ATXN7L2: variants seen among roughly 807,000 people sequenced by gnomAD.
The protein encoded by ATXN7L2 is ataxin 7 like 2, also known as ataxin-7-like protein 2.
Under a neutral mutation model 59.6 loss-of-function variants are expected in ATXN7L2, and 17 were observed. The ratio of observed to expected loss-of-function variants is 0.29; its 90% CI spans 0.20 to 0.43. The LOEUF (loss-of-function observed/expected upper bound fraction) is 0.43, where lower values mean the gene tolerates loss of function less well. Ranked by LOEUF, ATXN7L2 falls within the 20% of genes least tolerant of loss-of-function variation. The pLI is 1.00. For missense variants in ATXN7L2, 858 were observed against 1,008.9 expected (o/e 0.85, Z 2.03); for synonymous variants, 378 against 392.5 (o/e 0.96, Z 0.44).
chr1:109,487,269 A>T (rs772006220), intron 4 of ATXN7L2, 52 bp downstream of exon 4: 3 of 1,432,012 alleles, frequency 2.1e-6, no homozygotes, highest in East Asian at 5.1e-5. Context: ...TGACCCATGG[A>T]TGGGCTGACA....
chr1:109,487,120 G>C lies in ATXN7L2; in HGVS notation c.412G>C (p.Ala138Pro), dbSNP rs934469562. The C allele has an allele frequency of 6.2e-7, 1 of 1,611,900 alleles. No individual in the cohort carries two copies. Among genetic ancestry groups the C allele is most frequent in the Non-Finnish European group, 8.5e-7 (1 of 1,179,132 alleles). Residue 138 changes from alanine to proline, a missense_variant, in exon 4 of 11, where the codon GCC (alanine) becomes CCC (proline). Physicochemically the swap from Ala to Pro is conservative, Grantham distance 27 (BLOSUM62 -1). Around this residue, in one of 3 missense-constraint regions of ATXN7L2, gnomAD observed 734 missense variants for 862.3 expected, o/e 0.85. Coordinates refer to ENST00000683729, the MANE Select transcript of ATXN7L2 (RefSeq NM_001350175.2). ...VVNGQGPACRAPGSTKTSSRE... is the reference protein window; with the variant it reads ...VVNGQGPACRPPGSTKTSSRE... ...GAATGGGCAGGGCCCAGCTTGTAGG[G>C]CCCCAGGTTCCACGAAAACCTCCTC...
intron 1 of ATXN7L2, chr1:109,485,644 G>T: frequency 1.0e-6 from 1 of 987,966 alleles, no homozygotes; most frequent in Non-Finnish European, 1.2e-6. Flanking sequence ...AGAAACATTG[G>T]TTAAGGACGG....
At chr1:109,490,185 A>G in intron 8 of ATXN7L2, 57 bp downstream of exon 8, 1 of 1,576,888 alleles carries the variant, frequency 6.3e-7, no homozygotes, top group Non-Finnish European at 8.6e-7. Context: ...CTGGCCAACA[A>G]CATGGGGAGG....
In ATXN7L2 at chr1:109,489,044, C is replaced by T. The variant is rs913427036; in HGVS notation, c.1077C>T (p.Pro359=). The T allele has an allele frequency of 6.2e-7, 1 of 1,614,164 alleles. No homozygotes were observed. The highest frequency in any genetic ancestry group is 1.3e-5 in the African/African-American group (1 of 75,050). ...SVQVVAAVAA[P]SSTFSVRAKQ... ...AGGTTGTAGCAGCGGTGGCTGCTCC[C>T]AGCAGCACCTTCTCTGTTCGTGCCA... Residue 359 remains proline (P), a synonymous_variant, in exon 7 of 11, where the codon CCC becomes CCT. Coordinates refer to ENST00000683729, the MANE Select transcript of ATXN7L2 (RefSeq NM_001350175.2).
Position 109,490,905 on chromosome 1 carries a change from C to T in ATXN7L2, c.1455-17C>T. On this transcript the variant is annotated splice_polypyrimidine_tract_variant and intron_variant, in intron 9 of 10. Coordinates refer to ENST00000683729, the MANE Select transcript of ATXN7L2 (RefSeq NM_001350175.2). Reference sequence around the variant, plus strand: ...TTGTTTCTTGGCAGTCACAGTGGGGCTTTCTTTTTGCTGCAGGAAGATCCC... The same window carrying T: ...TTGTTTCTTGGCAGTCACAGTGGGGTTTTCTTTTTGCTGCAGGAAGATCCC... 6.5e-7 allele frequency: 1 copy of T among 1,537,990 alleles called. No homozygotes were observed. Among genetic ancestry groups the T allele is most frequent in the Admixed American group, 2.1e-5 (1 of 48,534 alleles).
intron 9 of ATXN7L2, among the ~76,000 whole-genome samples, 178 bp downstream of exon 9, chr1:109,490,570 A>G (rs1473989099): frequency 2.0e-5 from 3 of 152,196 alleles, no homozygotes; most frequent in African/African-American, 4.8e-5. Flanking sequence ...TTGGCAGCCT[A>G]GAGTTTGGCT....
chr1:109,488,586 C>T lies in ATXN7L2; in HGVS notation c.879+121C>T. 1.7e-6 allele frequency: 2 copies of T among 1,191,088 alleles called. No homozygotes were observed. The highest frequency in any genetic ancestry group is 2.6e-5 in the East Asian group (1 of 39,084). The allele number at this position is 1,191,088 out of a possible 1,614,324, so 73.8% of individuals were successfully genotyped here. A position where few individuals can be genotyped will look rare whatever the true frequency, so the allele number is the denominator to read the frequency against. On this transcript the variant is annotated intron_variant, in intron 6 of 10. Coordinates refer to ENST00000683729, the MANE Select transcript of ATXN7L2 (RefSeq NM_001350175.2). This position sits in a 1 kb window ranked among gnomAD's most constrained non-coding sequence, Gnocchi z 5.0. ...CCAGCTTAAGGGAGGGCAGTTAGGC[C>T]CACCCAAGGGAAGGGGAGATGGGTA...
At position 109,486,477 on chromosome 1, in the gene ATXN7L2, C is replaced by T. The variant is rs1200092111; in HGVS notation, c.194-29C>T. On this transcript the variant is annotated intron_variant, in intron 2 of 10. Transcript: ENST00000683729. This position sits in a 1 kb window ranked among gnomAD's most constrained non-coding sequence, Gnocchi z 4.3. ...CCAGAGAAACCCTGGGATCTTCAGC[C>T]CCAGTGACATGGGCTTCTGTCATTG... is the stretch of plus-strand genomic sequence containing the variant. 3.2e-6 allele frequency: 5 copies of T among 1,577,482 alleles called. No individual in the cohort carries two copies. The highest frequency in any genetic ancestry group is 4.4e-6 in the Non-Finnish European group (5 of 1,149,066).
chr1:109,486,213 G>A lies in ATXN7L2; in HGVS notation c.193+91G>A. The stretch of plus-strand genomic sequence containing the variant: ...ACACTACAGAAGGAGGTGGCTGCTT[G>A]AAGCAGCTGTCTGGGGACCCTCATT... On this transcript the variant is annotated intron_variant, in intron 2 of 10. Coordinates refer to ENST00000683729, the MANE Select transcript of ATXN7L2 (RefSeq NM_001350175.2). The surrounding 1 kb of genome is among the most constrained non-coding windows in gnomAD (Gnocchi z 4.3). 3 of 1,480,798 alleles carry A rather than the reference G, an allele frequency of 2.0e-6. No homozygotes were observed. Among genetic ancestry groups the A allele is most frequent in the African/African-American group, 1.4e-5 (1 of 70,842 alleles). 91.7% of individuals were successfully genotyped at this position (1,480,798 alleles called of 1,614,324 possible).
chr1:109,484,058 G>C lies in ATXN7L2; in HGVS notation c.105G>C (p.Arg35=), dbSNP rs780047451. 6.6e-7 allele frequency: 1 copy of C among 1,519,626 alleles called. No homozygotes were observed. The highest frequency in any genetic ancestry group is 8.8e-7 in the Non-Finnish European group (1 of 1,130,954). The allele number at this position is 1,519,626 out of a possible 1,614,324, so 94.1% of individuals were successfully genotyped here. ...AGAGCTGGAGCTCGTGGGTGGAGCGGGCCGACCTGCCCGCGGCTGACGGTG... is the reference window on the plus strand; with the variant it reads ...AGAGCTGGAGCTCGTGGGTGGAGCGCGCCGACCTGCCCGCGGCTGACGGTG... ...AGQSWSSWVE[R]ADLPAADGAE... Residue 35 remains arginine, a synonymous_variant, in exon 1 of 11, where the codon CGG becomes CGC. Coordinates refer to ENST00000683729, the MANE Select transcript of ATXN7L2 (RefSeq NM_001350175.2).
Position 109,488,499 on chromosome 1 carries a change from C to T in ATXN7L2, c.879+34C>T. 2 of 1,566,448 alleles carry T rather than the reference C, an allele frequency of 1.3e-6. 1 individual carries two copies. The highest frequency in any genetic ancestry group is 2.3e-5 in the South Asian group (2 of 87,922). The stretch of plus-strand genomic sequence containing the variant: ...CTTCCCACTGCACGGTGAGGGAGGA[C>T]AGCACAGGGCTTGCCCACTCCTTCC... On this transcript the variant is annotated intron_variant, in intron 6 of 10. Coordinates refer to ENST00000683729, the MANE Select transcript of ATXN7L2 (RefSeq NM_001350175.2). This position sits in a 1 kb window ranked among gnomAD's most constrained non-coding sequence, Gnocchi z 5.0.
rs1657198544 is a variant in ATXN7L2 at position 109,492,709 on chromosome 1, A to G, written c.*109A>G. The G allele has an allele frequency of 7.4e-7, 1 of 1,347,266 alleles. No individual in the cohort carries two copies. The highest frequency in any genetic ancestry group is 2.5e-5 in the East Asian group (1 of 40,622). The allele number at this position is 1,347,266 out of a possible 1,614,324, so 83.5% of individuals were successfully genotyped here. On this transcript the variant is annotated 3_prime_UTR_variant, in exon 11 of 11. Coordinates refer to ENST00000683729, the MANE Select transcript of ATXN7L2 (RefSeq NM_001350175.2). ...TAACTTTATATTATTTTTTTTTAAG[A>G]AAAAAAGCTCTTTAAAATACCTCAA...
Position 109,486,682 on chromosome 1 carries a change from G to A in ATXN7L2, c.298+72G>A. The A allele has an allele frequency of 1.5e-6, 2 of 1,350,610 alleles. No homozygotes were observed. The highest frequency in any genetic ancestry group is 2.1e-6 in the Non-Finnish European group (2 of 951,888). 83.7% of individuals were successfully genotyped at this position (1,350,610 alleles called of 1,614,324 possible). A position where few individuals can be genotyped will look rare whatever the true frequency, so the allele number is the denominator to read the frequency against. On this transcript the variant is annotated intron_variant, in intron 3 of 10. Transcript: ENST00000683729. This position sits in a 1 kb window ranked among gnomAD's most constrained non-coding sequence, Gnocchi z 4.3. ...GCATGGAACTCTGAGGACAGGGTCA[G>A]TTGGGAGGTCTCGTAGGGTAATGGA...
At position 109,484,064 on chromosome 1, in the gene ATXN7L2, C is replaced by G; in HGVS notation, c.111C>G (p.Asp37Glu). Residue 37 changes from aspartate (D) to glutamate (E), a missense_variant, in exon 1 of 11, where the codon GAC (aspartate) becomes GAG (glutamate). Transcript: ENST00000683729. ...GGAGCTCGTGGGTGGAGCGGGCCGA[C>G]CTGCCCGCGGCTGACGGTGAGTAAA... ...QSWSSWVERA[D>E]LPAADGAELE... is the part of the protein sequence containing the mutation. The G allele has an allele frequency of 1.3e-6, 2 of 1,518,562 alleles. No individual in the cohort carries two copies. The highest frequency in any genetic ancestry group is 1.2e-5 in the South Asian group (1 of 82,072). 94.1% of individuals were successfully genotyped at this position (1,518,562 alleles called of 1,614,324 possible). A position where few individuals can be genotyped will look rare whatever the true frequency, so the allele number is the denominator to read the frequency against.
At position 109,486,358 on chromosome 1, in the gene ATXN7L2, C is replaced by A; in HGVS notation, c.194-148C>A. The stretch of plus-strand genomic sequence containing the variant: ...ACCCTTTGGGACTGCTTAGATCGAA[C>A]TCTGGAAGCTGGAAGCATTCAGCAT... On this transcript the variant is annotated intron_variant, in intron 2 of 10. Coordinates refer to ENST00000683729, the MANE Select transcript of ATXN7L2 (RefSeq NM_001350175.2). This position sits in a 1 kb window ranked among gnomAD's most constrained non-coding sequence, Gnocchi z 4.3. 3.2e-6 allele frequency: 3 copies of A among 937,528 alleles called. No individual in the cohort carries two copies. The highest frequency in any genetic ancestry group is 4.7e-6 in the Non-Finnish European group (3 of 634,590). The allele number at this position is 937,528 out of a possible 1,614,324, so 58.1% of individuals were successfully genotyped here. A position where few individuals can be genotyped will look rare whatever the true frequency, so the allele number is the denominator to read the frequency against.
In ATXN7L2 at chr1:109,488,900, C is replaced by T. The variant is rs750256194; in HGVS notation, c.933C>T (p.Asp311=). The change falls in exon 7 of 11, where the codon GAC becomes GAT. Residue 311 remains aspartate, a synonymous_variant. Transcript: ENST00000683729. The surrounding 1 kb of genome is among the most constrained non-coding windows in gnomAD (Gnocchi z 5.0). ...REVQGRAKDF[D]VLVAELKANS... ...TCCAGGGCCGGGCCAAGGACTTTGACGTGCTGGTGGCAGAGCTGAAGGCCA... is the reference window on the plus strand; with the variant it reads ...TCCAGGGCCGGGCCAAGGACTTTGATGTGCTGGTGGCAGAGCTGAAGGCCA... 67 of 1,614,014 alleles carry T rather than the reference C, an allele frequency of 4.2e-5. No homozygotes were observed. In the East Asian group the frequency reaches 7.8e-4, roughly 19 times the overall value.
chr1:109,490,215 G>A (rs1656936555), intron 8 of ATXN7L2, 56 bp from the exon 9 acceptor site: 3 of 1,599,534 alleles, frequency 1.9e-6, no homozygotes, highest in East Asian at 4.5e-5. Context: ...CCTGTGTGCA[G>A]ATGCTGTCTG....
In ATXN7L2 at chr1:109,486,736, G is replaced by T; in HGVS notation, c.298+126G>T. 1.2e-6 allele frequency: 1 copy of T among 863,796 alleles called. No homozygotes were observed. Among genetic ancestry groups the T allele is most frequent in the East Asian group, 2.7e-5 (1 of 36,952 alleles). The allele number at this position is 863,796 out of a possible 1,614,324, so 53.5% of individuals were successfully genotyped here. A position where few individuals can be genotyped will look rare whatever the true frequency, so the allele number is the denominator to read the frequency against. On this transcript the variant is annotated intron_variant, in intron 3 of 10. Transcript: ENST00000683729. The surrounding 1 kb of genome is among the most constrained non-coding windows in gnomAD (Gnocchi z 4.3). ...TGGTGTTGAGGATAGGAAGGTTGTG[G>T]GGGTGGCTTCAGAGCATTGTGGGGA...
At chr1:109,484,840 A>T (rs553469001) in intron 1 of ATXN7L2, among the ~76,000 whole-genome samples, 2 of 152,168 alleles carry the variant, frequency 1.3e-5, no homozygotes, top group African/African-American at 4.8e-5. Context: ...AAGTGAGAAG[A>T]GGTGGAGGAG....
Sources: gnomAD v4.1 joint callset for allele counts (sites outside exome capture counted in the v4.1 genomes callset) on GRCh38, gnomAD v4.1.1 for gene constraint, gnomAD v4.1.1 regional missense constraint, Gnocchi (gnomAD v3.1) non-coding constraint, MANE v1.5 for transcripts, NCBI Gene and HGNC (gene_info 2026-07-23, HGNC 2026-07-21) for gene names.